The following FOXN3 variants were observed in gnomAD, a reference collection of about 807,000 sequenced individuals.
FOXN3 encodes the protein forkhead box N3, also known as forkhead box protein N3.
FOXN3 carries 7 observed loss-of-function variants against 38.4 expected under a neutral mutation model. The observed-to-expected ratio is 0.18, with a 90% CI of 0.10 to 0.34. The LOEUF is 0.34. Among genes scored for constraint, FOXN3 ranks in the 10% least tolerant of loss-of-function variants. The pLI is 1.00. For synonymous variants in FOXN3, 230 were observed against 242.2 expected, an observed-to-expected ratio of 0.95 and a Z score of 0.47; for missense variants, 456 against 613.4, an observed-to-expected ratio of 0.74 and a Z score of 2.71.
intron 3 of FOXN3, among the ~76,000 whole-genome samples, chr14:89,283,218 A>C (rs1044864250): frequency 6.6e-6 from 1 of 152,176 alleles, no homozygotes; most frequent in Non-Finnish European, 1.5e-5. Context: ...GGATTTATTA[A>C]ACTCCTGCTG....
chr14:89,617,352 G>C (rs538730244), intron 1 of FOXN3, among the ~76,000 whole-genome samples: 5 of 152,280 alleles, frequency 3.3e-5, no homozygotes, highest in Middle Eastern at 6.8e-3. Context: ...CCTTCCTCTT[G>C]GATGTGAAAT....
At chr14:89,598,827 A>C (rs1214036096) in intron 1 of FOXN3, among the ~76,000 whole-genome samples, 1 of 152,028 alleles carries the variant, frequency 6.6e-6, no homozygotes, top group Non-Finnish European at 1.5e-5. Flanking sequence ...AAATGTTACC[A>C]TGTTGTCCCT....
At chr14:89,390,461 T>G (rs1368191125) in intron 2 of FOXN3, among the ~76,000 whole-genome samples, 1 of 147,372 alleles carries the variant, frequency 6.8e-6, no homozygotes, top group Non-Finnish European at 1.5e-5. Context: ...CAGGAGACTA[T>G]GTTCAGGGAT....
chr14:89,180,955 C>T, intron 4 of FOXN3, 149 bp from the exon 5 acceptor site: 1 of 440,996 alleles, frequency 2.3e-6, no homozygotes, highest in Non-Finnish European at 4.1e-6. Flanking sequence ...CGTGCACATA[C>T]ACACACACAC....
At chr14:89,426,841 C>A (rs1257145769) in intron 1 of FOXN3, among the ~76,000 whole-genome samples, 1 of 152,116 alleles carries the variant, frequency 6.6e-6, no homozygotes, top group Non-Finnish European at 1.5e-5. Context: ...TTTGGGAAAG[C>A]TTCAGAACAC....
intron 1 of FOXN3, among the ~76,000 whole-genome samples, chr14:89,452,272 G>A (rs1307633763): frequency 6.6e-6 from 1 of 152,046 alleles, no homozygotes; most frequent in Non-Finnish European, 1.5e-5. Flanking sequence ...CTGAATCAAG[G>A]GGCATCCCCT....
At chr14:89,560,788 AGAG>A (rs1421223483) in intron 1 of FOXN3, among the ~76,000 whole-genome samples, 2 of 152,252 alleles carry the variant, frequency 1.3e-5, no homozygotes, top group Non-Finnish European at 2.9e-5. Context: ...CGTGGCTTGC[AGAG>A]GAGGTCACTA....
At chr14:89,377,761 A>C (rs563064404) in intron 2 of FOXN3, among the ~76,000 whole-genome samples, 3 of 152,370 alleles carry the variant, frequency 2.0e-5, no homozygotes, top group African/African-American at 7.2e-5. Context: ...TCGTATGTTG[A>C]AACCAATTCA....
At chr14:89,293,503 T>C (rs1886940839) in intron 3 of FOXN3, among the ~76,000 whole-genome samples, 1 of 152,198 alleles carries the variant, frequency 6.6e-6, no homozygotes, top group African/African-American at 2.4e-5. Flanking sequence ...TGGTGTTCTC[T>C]GGCTTGCAAG....
At chr14:89,425,260 G>A (rs1225832977) in intron 1 of FOXN3, among the ~76,000 whole-genome samples, 4 of 151,854 alleles carry the variant, frequency 2.6e-5, no homozygotes, top group African/African-American at 4.8e-5. Flanking sequence ...CAGTAGAGAC[G>A]GGGTTTCACC....
At chr14:89,360,744 ACCT>A (rs1889479476) in intron 2 of FOXN3, among the ~76,000 whole-genome samples, 13 of 118,616 alleles carry the variant, frequency 1.1e-4, no homozygotes, top group African/African-American at 3.1e-4. Flanking sequence ...CTCCAGCACC[ACCT>A]CCACCACCAC....
rs1856623747 is a variant in FOXN3 at position 89,604,221 on chromosome 14, AC to A, written c.-15+14806del. ...AGCAAAACAAAACACACACACACAC[AC>A]ACACACACACACACACACGTGCGCG... On this transcript the variant is annotated intron_variant, in intron 1 of 6. Transcript: ENST00000345097. 2.0e-5 allele frequency among the ~76,000 whole-genome samples: 3 copies of A among 147,092 alleles called. No homozygotes were observed. In the South Asian group the frequency reaches 6.4e-4, roughly 32 times the overall value.
intron 4 of FOXN3, among the ~76,000 whole-genome samples, chr14:89,195,637 T>C (rs1348887637): frequency 6.6e-6 from 1 of 152,138 alleles, no homozygotes; most frequent in South Asian, 2.1e-4. Flanking sequence ...CTTTGTAGGA[T>C]CTTCCCTAGA....
intron 3 of FOXN3, among the ~76,000 whole-genome samples, chr14:89,325,314 GACCACCACCACCACCACCACCACCACC>G (rs774094314): frequency 4.5e-4 from 46 of 101,814 alleles, no homozygotes; most frequent in Middle Eastern, 0.01. Context: ...CCACCACCAC[GACCACCACCACCACCACCACCACCACC>G]ACCACCACCA....
At chr14:89,306,814 T>C (rs556754624) in intron 3 of FOXN3, among the ~76,000 whole-genome samples, 44 of 152,274 alleles carry the variant, frequency 2.9e-4, no homozygotes, top group African/African-American at 1.0e-3. Context: ...CATTTGGTAA[T>C]GGTCAGGGAA....
chr14:89,514,024 C>T (rs1426837379), intron 1 of FOXN3, among the ~76,000 whole-genome samples: 1 of 152,144 alleles, frequency 6.6e-6, no homozygotes, highest in African/African-American at 2.4e-5. Context: ...ACATCGCTGT[C>T]TTTGTTTCTT....
At chr14:89,330,717 T>C (rs1421965831) in intron 3 of FOXN3, among the ~76,000 whole-genome samples, 1 of 152,118 alleles carries the variant, frequency 6.6e-6, no homozygotes, top group East Asian at 1.9e-4. Context: ...ATTGGAAAAA[T>C]CAGAGCTATT....
intron 1 of FOXN3, among the ~76,000 whole-genome samples, chr14:89,497,814 G>A (rs141174108): frequency 3.0e-3 from 451 of 152,232 alleles, no homozygotes; most frequent in Non-Finnish European, 4.8e-3. Context: ...GGGAACTGCC[G>A]TACTATTTTC....
intron 1 of FOXN3, among the ~76,000 whole-genome samples, chr14:89,575,344 C>T (rs75275418): frequency 0.048 from 7,346 of 152,068 alleles, 558 homozygotes; most frequent in African/African-American, 0.17. Context: ...ATAGAGATGG[C>T]AGAAAGGAAA....
Sources: allele counts gnomAD v4.1 joint callset (sites outside exome capture counted in the v4.1 genomes callset), GRCh38; gene constraint gnomAD v4.1.1; transcripts MANE v1.5; gene names NCBI Gene and HGNC (gene_info 2026-07-23, HGNC 2026-07-21).